Variants in DIS3L2 observed in about 807,000 individuals in gnomAD.
The protein encoded by DIS3L2 is DIS3-like exonuclease 2.
DIS3L2 carries 34 observed loss-of-function variants against 97.5 expected under a neutral mutation model. The observed-to-expected ratio is 0.35, with a 90% CI of 0.27 to 0.46. The LOEUF (loss-of-function observed/expected upper bound fraction) is 0.46, where lower values mean the gene tolerates loss of function less well. Ranked by LOEUF, DIS3L2 falls within the 20% of genes least tolerant of loss-of-function variation. The probability of loss-of-function intolerance (pLI) is 1.00; values close to 1 mark genes in which losing one functional copy is unlikely to be tolerated. For missense variants in DIS3L2, 1,038 were observed against 1,146.0 expected (o/e 0.91, Z 1.36); for synonymous variants, 435 against 445.2 (o/e 0.98, Z 0.29).
intron 6 of DIS3L2, among the ~76,000 whole-genome samples, chr2:232,091,905 G>T (rs1028441425): frequency 6.6e-6 from 1 of 152,150 alleles, no homozygotes; most frequent in Non-Finnish European, 1.5e-5. Context: ...CATCAATGAT[G>T]TTGAGCACTT....
rs1036947963 is a variant in DIS3L2 at position 232,092,103 on chromosome 2, T to G, written c.601+4382T>G. 2.0e-5 allele frequency among the ~76,000 whole-genome samples: 3 copies of G among 152,254 alleles called. No individual in the cohort carries two copies. In the South Asian group the frequency reaches 6.2e-4, roughly 32 times the overall value. On this transcript the variant is annotated intron_variant, in intron 6 of 20. Transcript: ENST00000325385. ...AAGAGATAGGAGTCTAGTTTCATTC[T>G]TCTGCATATGGATATCCAGTTTTCT...
At chr2:232,061,951 G>A (rs1695720936) in intron 5 of DIS3L2, among the ~76,000 whole-genome samples, 1 of 152,054 alleles carries the variant, frequency 6.6e-6, no homozygotes, top group Admixed American at 6.6e-5. Context: ...ACAGCCCTTT[G>A]GTTTATAAAG....
At chr2:232,000,731 T>TC (rs1693871145) in intron 1 of DIS3L2, among the ~76,000 whole-genome samples, 2 of 146,702 alleles carry the variant, frequency 1.4e-5, no homozygotes, top group South Asian at 2.2e-4. Flanking sequence ...TCTTCTTTTT[T>TC]TTTTTTTTTT....
chr2:232,208,624 T>C (rs1252629886), intron 9 of DIS3L2, among the ~76,000 whole-genome samples: 1 of 152,222 alleles, frequency 6.6e-6, no homozygotes, highest in Non-Finnish European at 1.5e-5. Flanking sequence ...TTCAATACCT[T>C]TGAGATTCAT....
intron 1 of DIS3L2, among the ~76,000 whole-genome samples, chr2:231,987,041 T>C (rs1399862324): frequency 6.6e-6 from 1 of 152,212 alleles, no homozygotes; most frequent in Non-Finnish European, 1.5e-5. Context: ...TAAATGAAGT[T>C]TTAAGCATCA....
chr2:232,244,253 A>G (rs1693183348), intron 11 of DIS3L2, among the ~76,000 whole-genome samples: 2 of 152,108 alleles, frequency 1.3e-5, no homozygotes, highest in Non-Finnish European at 2.9e-5. Context: ...GAGAGAGGAG[A>G]GTGAAGAATC....
At chr2:232,121,882 G>T (rs1192710632) in intron 6 of DIS3L2, among the ~76,000 whole-genome samples, 1 of 152,016 alleles carries the variant, frequency 6.6e-6, no homozygotes, top group Admixed American at 6.6e-5. Context: ...TTATAATTTT[G>T]CCAGTTTTGC....
At chr2:232,117,561 G>A (rs1016197537) in intron 6 of DIS3L2, among the ~76,000 whole-genome samples, 2 of 152,184 alleles carry the variant, frequency 1.3e-5, no homozygotes, top group African/African-American at 4.8e-5. Context: ...TCCTGCAGAA[G>A]TTCTCAGACC....
intron 5 of DIS3L2, among the ~76,000 whole-genome samples, chr2:232,030,318 C>G (rs1236217862): frequency 6.6e-6 from 1 of 152,196 alleles, no homozygotes; most frequent in Non-Finnish European, 1.5e-5. Flanking sequence ...CTCCCTGTCA[C>G]ATGCCTTGCA....
chr2:232,343,524 G>A (rs751420159), exon 14 of DIS3L2: 8 of 1,559,990 alleles, frequency 5.1e-6, no homozygotes, highest in Non-Finnish European at 6.1e-6. Context: ...TGGAAGCAAA[G>A]CCCCAAAACA....
intron 1 of DIS3L2, among the ~76,000 whole-genome samples, chr2:231,968,476 T>C (rs10181613): frequency 0.25 from 37,897 of 152,160 alleles, 7,836 homozygotes; most frequent in African/African-American, 0.57. Context: ...CCACACAATA[T>C]GTAGTTATCC....
At chr2:232,042,409 G>A (rs1439753393) in intron 5 of DIS3L2, among the ~76,000 whole-genome samples, 1 of 151,770 alleles carries the variant, frequency 6.6e-6, no homozygotes, top group Non-Finnish European at 1.5e-5. Context: ...AATTCCAGTG[G>A]AATTAGAATT....
At chr2:232,052,157 G>A (rs1029112311) in intron 5 of DIS3L2, among the ~76,000 whole-genome samples, 10 of 151,916 alleles carry the variant, frequency 6.6e-5, no homozygotes, top group Non-Finnish European at 1.3e-4. Context: ...CAAGTAGCTG[G>A]GATTACAGAT....
At chr2:232,216,590 T>G (rs1574951269) in intron 10 of DIS3L2, among the ~76,000 whole-genome samples, 1 of 152,200 alleles carries the variant, frequency 6.6e-6, no homozygotes, top group East Asian at 1.9e-4. Context: ...CTTTCCATTT[T>G]TTTTTTCTCA....
intron 9 of DIS3L2, among the ~76,000 whole-genome samples, chr2:232,182,160 A>T (rs889961920): frequency 6.6e-6 from 1 of 152,164 alleles, no homozygotes; most frequent in Non-Finnish European, 1.5e-5. Context: ...TAAATATTTT[A>T]AAATTTCCTT....
intron 3 of DIS3L2, 118 bp from the exon 4 acceptor site, chr2:232,024,159 T>C: frequency 4.5e-6 from 3 of 661,024 alleles, no homozygotes; most frequent in Non-Finnish European, 7.8e-6. Flanking sequence ...CTTATACATC[T>C]AACTTGTTTT....
At chr2:231,974,650 C>T (rs1693026748) in intron 1 of DIS3L2, among the ~76,000 whole-genome samples, 1 of 151,284 alleles carries the variant, frequency 6.6e-6, no homozygotes, top group Non-Finnish European at 1.5e-5. Context: ...TAGCTGTCTC[C>T]TCAAACATGT....
chr2:231,980,523 C>T (rs1693221610), intron 1 of DIS3L2, among the ~76,000 whole-genome samples: 1 of 151,946 alleles, frequency 6.6e-6, no homozygotes, highest in African/African-American at 2.4e-5. Context: ...ATGGTGAAAC[C>T]CCATCTCTAT....
chr2:232,296,133 A>G (rs1014332683), intron 13 of DIS3L2, among the ~76,000 whole-genome samples: 6 of 152,114 alleles, frequency 3.9e-5, no homozygotes, highest in African/African-American at 1.4e-4. Flanking sequence ...TCTTCTCCCA[A>G]ACCTGTTTTT....
Sources: allele counts gnomAD v4.1 joint callset (sites outside exome capture counted in the v4.1 genomes callset), GRCh38; gene constraint gnomAD v4.1.1; transcripts MANE v1.5; gene names NCBI Gene and HGNC (gene_info 2026-07-23, HGNC 2026-07-21).